ESRRG: variants seen among roughly 807,000 people sequenced by gnomAD.
The protein encoded by ESRRG is estrogen related receptor gamma, also known as estrogen-related receptor gamma.
A neutral mutation model predicts 44.0 loss-of-function variants in ESRRG; 13 were observed. The ratio of observed to expected loss-of-function variants is 0.30; its 90% CI spans 0.19 to 0.47. The LOEUF (loss-of-function observed/expected upper bound fraction) is 0.47, where lower values mean the gene tolerates loss of function less well. ESRRG is among the 20% of genes least tolerant of loss of function. ESRRG has a pLI of 1.00. For synonymous variants in ESRRG, 215 were observed against 214.6 expected (o/e 1.00, Z -0.02); for missense variants, 395 against 580.6 (o/e 0.68, Z 3.29).
chr1:216,998,387 T>C (rs530775652), intron 1 of ESRRG, among the ~76,000 whole-genome samples: 1 of 152,342 alleles, frequency 6.6e-6, no homozygotes, highest in South Asian at 2.1e-4. Flanking sequence ...CCTTTGCCAG[T>C]GTTGTTTGCC....
intron 3 of ESRRG, among the ~76,000 whole-genome samples, chr1:216,575,371 T>C (rs1250717670): frequency 1.3e-5 from 2 of 152,108 alleles, no homozygotes; most frequent in Non-Finnish European, 2.9e-5. Flanking sequence ...TTTCTTCCTA[T>C]TTCAACAGTC....
At chr1:216,687,448 A>G (rs534723415) in intron 1 of ESRRG, among the ~76,000 whole-genome samples, 23 of 152,284 alleles carry the variant, frequency 1.5e-4, no homozygotes, top group South Asian at 1.0e-3. Flanking sequence ...TTGCTCGCTC[A>G]AAGAATCTTC....
intron 1 of ESRRG, among the ~76,000 whole-genome samples, chr1:217,011,160 C>T (rs1379033403): frequency 1.3e-5 from 2 of 152,166 alleles, no homozygotes; most frequent in African/African-American, 4.8e-5. Context: ...TAACTCATTT[C>T]CCAGCTGCGT....
intron 2 of ESRRG, among the ~76,000 whole-genome samples, chr1:216,912,181 AAAAGG>A (rs1560082994): frequency 0.039 from 620 of 15,960 alleles, 71 homozygotes; most frequent in African/African-American, 0.06. Flanking sequence ...AAAAGAAAAG[AAAAGG>A]AGAGGAGAGG....
intron 1 of ESRRG, among the ~76,000 whole-genome samples, chr1:216,981,927 G>A (rs901244213): frequency 2.0e-5 from 3 of 152,184 alleles, no homozygotes; most frequent in Non-Finnish European, 4.4e-5. Context: ...ATGACCAAGC[G>A]ATTAGCGGGG....
At chr1:216,971,222 C>G (rs897015245) in intron 1 of ESRRG, among the ~76,000 whole-genome samples, 6 of 152,116 alleles carry the variant, frequency 3.9e-5, no homozygotes, top group Non-Finnish European at 8.8e-5. Context: ...CCAGAGAACT[C>G]TTGATGAAGA....
At position 217,002,332 on chromosome 1, in the gene ESRRG, A is replaced by G. The variant is rs563910498; in HGVS notation, c.-105-62659T>C. On this transcript the variant is annotated intron_variant, in intron 1 of 7. Coordinates refer to the ESRRG transcript ENST00000359162. ...AAAAAAAAGAAAGAAAGAAAAAAAAAAAAGAAAGAAAGAAAAGAAAAGAAA... is the reference window on the plus strand; with the variant it reads ...AAAAAAAAGAAAGAAAGAAAAAAAAGAAAGAAAGAAAGAAAAGAAAAGAAA... Among the ~76,000 whole-genome samples the G allele has an allele frequency of 6.0e-3, 685 of 113,822 alleles. 14 individuals carry two copies. Among genetic ancestry groups the G allele is most frequent in the African/African-American group, 0.017 (672 of 38,664 alleles). 74.7% of individuals were successfully genotyped at this position (113,822 alleles called of 152,430 possible).
intron 5 of ESRRG, among the ~76,000 whole-genome samples, chr1:216,535,446 A>G (rs1206303660): frequency 2.0e-5 from 3 of 152,086 alleles, no homozygotes; most frequent in African/African-American, 7.2e-5. Context: ...AGTGTATTTT[A>G]TCCTGCAAAC....
At chr1:216,994,523 G>T (rs192314399) in intron 1 of ESRRG, among the ~76,000 whole-genome samples, 2 of 152,096 alleles carry the variant, frequency 1.3e-5, no homozygotes, top group Non-Finnish European at 2.9e-5. Context: ...CATAAGAGAC[G>T]GTAAAAAAGT....
At position 216,872,803 on chromosome 1, in the gene ESRRG, C is replaced by T. The variant is rs563068708; in HGVS notation, c.-14+66779G>A. ...CCAACATCTGTATCTTCAAAACATC[C>T]GTATCTGTTCATTGCCTTCTTGATG... On this transcript the variant is annotated intron_variant, in intron 2 of 7. Transcript: ENST00000359162. Among the ~76,000 whole-genome samples, 15 of 152,210 alleles carry T rather than the reference C, an allele frequency of 9.9e-5. No homozygotes were observed. In the East Asian group the frequency reaches 1.2e-3, roughly 12 times the overall value.
At chr1:216,591,941 C>T (rs1021959015) in intron 3 of ESRRG, among the ~76,000 whole-genome samples, 1 of 152,130 alleles carries the variant, frequency 6.6e-6, no homozygotes, top group Admixed American at 6.5e-5. Context: ...GGGGAAAGAG[C>T]AACTTTATAG....
intron 2 of ESRRG, among the ~76,000 whole-genome samples, chr1:216,666,075 G>A (rs180977015): frequency 6.6e-6 from 1 of 152,176 alleles, no homozygotes; most frequent in East Asian, 1.9e-4. Flanking sequence ...ACCCCACCCA[G>A]CCATACCTCA....
At chr1:216,860,758 A>T (rs186767083) in intron 2 of ESRRG, among the ~76,000 whole-genome samples, 8 of 152,316 alleles carry the variant, frequency 5.3e-5, no homozygotes, top group Non-Finnish European at 8.8e-5. Flanking sequence ...TGTTACAGAA[A>T]GAAAATGATA....
In ESRRG at chr1:216,505,468, T is replaced by G. The variant is rs1004561303; in HGVS notation, c.*1471A>C. ...GTCTTTGATGATTTTTTTTTTTAAT[T>G]CTGGCATTTGCCTTATTGCCTCTTA... On this transcript the variant is annotated 3_prime_UTR_variant, in exon 7 of 7. Coordinates refer to ENST00000408911, the MANE Select transcript of ESRRG (RefSeq NM_001438.4). The G allele has an allele frequency of 6.6e-6, 1 of 152,628 alleles. No homozygotes were observed. Among genetic ancestry groups the G allele is most frequent in the African/African-American group, 2.4e-5 (1 of 41,444 alleles). 9.5% of individuals were successfully genotyped at this position (152,628 alleles called of 1,614,324 possible).
At chr1:216,531,863 A>G (rs1413254307) in intron 5 of ESRRG, among the ~76,000 whole-genome samples, 1 of 152,064 alleles carries the variant, frequency 6.6e-6, no homozygotes, top group Non-Finnish European at 1.5e-5. Flanking sequence ...TCTGCTGGAG[A>G]GTGCATTTAC....
Position 216,707,128 on chromosome 1 carries a change from C to A in ESRRG, c.56+16116G>T, listed in dbSNP as rs11572673. Among the ~76,000 whole-genome samples, 1,096 of 152,290 alleles carry A rather than the reference C, an allele frequency of 7.2e-3. 11 individuals carry two copies. Among genetic ancestry groups the A allele is most frequent in the Admixed American group, 8.9e-3 (136 of 15,284 alleles). ...ATTGGAATGAGTTTACTAATTCAAA[C>A]CTTTCCCTCAAAGTCAAACAACATA... On this transcript the variant is annotated intron_variant, in intron 1 of 6. Coordinates refer to ENST00000408911, the MANE Select transcript of ESRRG (RefSeq NM_001438.4).
intron 2 of ESRRG, among the ~76,000 whole-genome samples, chr1:216,786,989 G>T (rs1313683642): frequency 1.3e-5 from 2 of 152,182 alleles, no homozygotes; most frequent in East Asian, 3.9e-4. Context: ...CAAATGGAAG[G>T]TTTGTGGCAA....
Position 216,650,965 on chromosome 1 carries a change from A to G in ESRRG, c.589+8T>C. ...CAAAACCTCAGGGGCACTAGCAAAG[A>G]GCCTTACCTTCTTTCAGCATGCCCA... On this transcript the variant is annotated splice_region_variant and intron_variant, in intron 3 of 6. Transcript: ENST00000408911. The G allele has an allele frequency of 4.5e-6, 7 of 1,572,544 alleles. No homozygotes were observed. The highest frequency in any genetic ancestry group is 5.3e-6 in the Non-Finnish European group (6 of 1,142,206).
chr1:216,929,266 C>T (rs577935047), intron 2 of ESRRG, among the ~76,000 whole-genome samples: 7 of 151,866 alleles, frequency 4.6e-5, no homozygotes, highest in Admixed American at 2.0e-4. Flanking sequence ...TTCCTTGCTT[C>T]CTTCCTTCCT....
Sources: gnomAD v4.1 joint callset for allele counts (sites outside exome capture counted in the v4.1 genomes callset) on GRCh38, gnomAD v4.1.1 for gene constraint, MANE v1.5 for transcripts, NCBI Gene and HGNC (gene_info 2026-07-23, HGNC 2026-07-21) for gene names.